The following SIRT5 variants were observed in gnomAD, a reference collection of about 807,000 sequenced individuals.
SIRT5 encodes sirtuin 5.
SIRT5 carries 26 observed loss-of-function variants against 40.0 expected under a neutral mutation model. The ratio of observed to expected loss-of-function variants is 0.65; its 90% CI spans 0.48 to 0.90. SIRT5 has a LOEUF of 0.90. Among genes scored for constraint, SIRT5 ranks in the 40% least tolerant of loss-of-function variants. The probability of loss-of-function intolerance (pLI) is 0.00; values close to 1 mark genes in which losing one functional copy is unlikely to be tolerated. For missense variants in SIRT5, 401 were observed against 402.4 expected (o/e 1.00, Z 0.03); for synonymous variants, 146 against 149.1 (o/e 0.98, Z 0.15).
chr6:13,585,679 T>A (rs368946728), intron 3 of SIRT5, among the ~76,000 whole-genome samples: 2 of 152,242 alleles, frequency 1.3e-5, no homozygotes, highest in East Asian at 1.9e-4. Flanking sequence ...TCTTTGCTAC[T>A]GTGAATAGTG....
chr6:13,576,858 T>C (rs1175210357), intron 1 of SIRT5, among the ~76,000 whole-genome samples: 1 of 152,258 alleles, frequency 6.6e-6, no homozygotes, highest in Non-Finnish European at 1.5e-5. Flanking sequence ...AATTTTGTTA[T>C]CCAGCATGTG....
intron 9 of SIRT5, among the ~76,000 whole-genome samples, chr6:13,601,661 A>T (rs1362429435): frequency 2.0e-5 from 3 of 152,096 alleles, no homozygotes; most frequent in Non-Finnish European, 4.4e-5. Flanking sequence ...ACTTTAATCA[A>T]CAGTTTCCAA....
chr6:13,575,321 G>C (rs1217929096), intron 1 of SIRT5, among the ~76,000 whole-genome samples: 1 of 152,150 alleles, frequency 6.6e-6, no homozygotes, highest in Non-Finnish European at 1.5e-5. Flanking sequence ...AACTGGGTCA[G>C]AGGCCGGGTA....
chr6:13,595,000 C>T (rs1360862965), intron 5 of SIRT5, among the ~76,000 whole-genome samples: 1 of 152,226 alleles, frequency 6.6e-6, no homozygotes, highest in African/African-American at 2.4e-5. Context: ...CAATAAATCA[C>T]GCCCTTAGAT....
intron 2 of SIRT5, among the ~76,000 whole-genome samples, chr6:13,583,767 AT>A (rs1428110429): frequency 6.6e-6 from 1 of 152,174 alleles, no homozygotes; most frequent in Non-Finnish European, 1.5e-5. Context: ...CAGAGGCTGC[AT>A]TTCTAACAAG....
chr6:13,591,893 T>C lies in SIRT5; in HGVS notation c.474T>C (p.His158=). Residue 158 remains histidine (H), a splice_region_variant and synonymous_variant, in exon 5 of 10, where the codon CAT becomes CAC. Transcript: ENST00000606117. Reference sequence around the variant, plus strand: ...GCACCAAGAACCTTCTGGAGATCCATGGTGAGAGACCCCCAGCCTCCCATT... The same window carrying C: ...GCACCAAGAACCTTCTGGAGATCCACGGTGAGAGACCCCCAGCCTCCCATT... ...KAGTKNLLEI[H]GSLFKTRCTS... 6.2e-7 allele frequency: 1 copy of C among 1,610,368 alleles called. No individual in the cohort carries two copies. The highest frequency in any genetic ancestry group is 8.5e-7 in the Non-Finnish European group (1 of 1,176,870).
At chr6:13,591,323 A>G (rs569563070) in intron 4 of SIRT5, among the ~76,000 whole-genome samples, 1 of 152,348 alleles carries the variant, frequency 6.6e-6, no homozygotes, top group Admixed American at 6.5e-5. Context: ...TTAGAGCTGC[A>G]TGAAAAAGGG....
intron 1 of SIRT5, among the ~76,000 whole-genome samples, chr6:13,579,042 C>CT (rs1173326909): frequency 6.6e-6 from 1 of 152,148 alleles, no homozygotes; most frequent in African/African-American, 2.4e-5. Context: ...CCTCTTTCCT[C>CT]TAACTGTCAC....
chr6:13,611,928 T>TG lies in SIRT5; in HGVS notation c.*65dup, dbSNP rs1763985711. 2 of 1,498,710 alleles carry TG rather than the reference T, an allele frequency of 1.3e-6. No homozygotes were observed. The highest frequency in any genetic ancestry group is 1.9e-6 in the Non-Finnish European group (2 of 1,077,488). The allele number at this position is 1,498,710 out of a possible 1,614,324, so 92.8% of individuals were successfully genotyped here. A position where few individuals can be genotyped will look rare whatever the true frequency, so the allele number is the denominator to read the frequency against. ...AACTAGGCCACACGCAGAGGAGAAA[T>TG]GGTCTTATGGGTGGTGAGCTGAGTA... is the stretch of plus-strand genomic sequence containing the variant. On this transcript the variant is annotated 3_prime_UTR_variant, in exon 10 of 10. Coordinates refer to ENST00000606117, the MANE Select transcript of SIRT5 (RefSeq NM_012241.5).
At position 13,583,274 on chromosome 6, in the gene SIRT5, T is replaced by TC. The variant is rs1759599365; in HGVS notation, c.-35-802_-35-801insC. On this transcript the variant is annotated intron_variant, in intron 2 of 9. Coordinates refer to ENST00000606117, the MANE Select transcript of SIRT5 (RefSeq NM_012241.5). ...TAGTGGTGGTTTTCATACCTTCTTT[T>TC]TTTTCTTCTTTGTTCTTTTTTTTTT... is the stretch of plus-strand genomic sequence containing the variant. 2.6e-5 allele frequency among the ~76,000 whole-genome samples: 4 copies of TC among 151,226 alleles called. No homozygotes were observed. The South Asian group carries it at 8.3e-4, about 31-fold the overall frequency.
At chr6:13,603,387 C>T (rs960863710) in intron 9 of SIRT5, among the ~76,000 whole-genome samples, 1 of 151,156 alleles carries the variant, frequency 6.6e-6, no homozygotes, top group African/African-American at 2.4e-5. Context: ...AGAACTCTTA[C>T]AACTATAAAT....
intron 9 of SIRT5, chr6:13,604,485 C>G (rs150374753): frequency 4.3e-4 from 665 of 1,562,762 alleles, no homozygotes; most frequent in Non-Finnish European, 5.8e-4. Flanking sequence ...GTCATTTGAT[C>G]TCCATCTCAT....
At chr6:13,585,397 A>G (rs1409625731) in intron 3 of SIRT5, among the ~76,000 whole-genome samples, 1 of 114,620 alleles carries the variant, frequency 8.7e-6, no homozygotes, top group Admixed American at 1.0e-4. Flanking sequence ...CCCCAAGCCC[A>G]CCACCCCCCG....
intron 9 of SIRT5, among the ~76,000 whole-genome samples, chr6:13,608,029 G>C (rs1290329919): frequency 6.6e-6 from 1 of 152,150 alleles, no homozygotes; most frequent in African/African-American, 2.4e-5. Flanking sequence ...TAAAAGTGCT[G>C]GGATTACAGG....
intron 9 of SIRT5, among the ~76,000 whole-genome samples, chr6:13,603,704 A>G (rs961064124): frequency 2.0e-5 from 3 of 152,214 alleles, no homozygotes; most frequent in Non-Finnish European, 2.9e-5. Flanking sequence ...TCCTTGGTAT[A>G]TAGTCCTAGA....
chr6:13,613,614 T>G lies in SIRT5; in HGVS notation c.*1749T>G, dbSNP rs536855247. The G allele has an allele frequency of 6.6e-6, 1 of 152,356 alleles. No homozygotes were observed. Among genetic ancestry groups the G allele is most frequent in the African/African-American group, 2.4e-5 (1 of 41,586 alleles). 9.4% of individuals were successfully genotyped at this position (152,356 alleles called of 1,614,324 possible). A position where few individuals can be genotyped will look rare whatever the true frequency, so the allele number is the denominator to read the frequency against. Reference sequence around the variant, plus strand: ...AGGCATAACCTTTAATAAATCCCAGTGGTCCTTTGTGTAGGGAACGGGGAT... The same window carrying G: ...AGGCATAACCTTTAATAAATCCCAGGGGTCCTTTGTGTAGGGAACGGGGAT... On this transcript the variant is annotated 3_prime_UTR_variant, in exon 10 of 10. Coordinates refer to ENST00000606117, the MANE Select transcript of SIRT5 (RefSeq NM_012241.5).
intron 5 of SIRT5, among the ~76,000 whole-genome samples, chr6:13,592,813 G>A (rs1761097400): frequency 6.6e-6 from 1 of 151,940 alleles, no homozygotes; most frequent in South Asian, 2.1e-4. Flanking sequence ...GCAAACTAGG[G>A]TTTCCCCCAA....
rs530703942 is a variant in SIRT5, at chr6:13,584,309, A to G, written c.115+84A>G. ...ACACTTCGAGAGGAATGTCTCTGTCAAATTAGGTATTGGGCAAGGTTTTGG... is the reference window on the plus strand; with the variant it reads ...ACACTTCGAGAGGAATGTCTCTGTCGAATTAGGTATTGGGCAAGGTTTTGG... On this transcript the variant is annotated intron_variant, in intron 3 of 9. Transcript: ENST00000606117. 2.9e-6 allele frequency: 3 copies of G among 1,020,946 alleles called. No homozygotes were observed. In the East Asian group the frequency reaches 7.2e-5, roughly 24 times the overall value. The allele number at this position is 1,020,946 out of a possible 1,614,324, so 63.2% of individuals were successfully genotyped here.
chr6:13,611,785 T>G lies in SIRT5; in HGVS notation c.858-5T>G. 6.2e-7 allele frequency: 1 copy of G among 1,609,280 alleles called. No individual in the cohort carries two copies. The highest frequency in any genetic ancestry group is 8.5e-7 in the Non-Finnish European group (1 of 1,175,672). On this transcript the variant is annotated splice_region_variant and splice_polypyrimidine_tract_variant and intron_variant, in intron 9 of 9. Transcript: ENST00000606117. ...AAACTGCTGTATTTGCTTCTTCTCTTTCAGGTTTCATTTCCAGGGACCCTG... is the reference window on the plus strand; with the variant it reads ...AAACTGCTGTATTTGCTTCTTCTCTGTCAGGTTTCATTTCCAGGGACCCTG...
Sources: allele counts gnomAD v4.1 joint callset (sites outside exome capture counted in the v4.1 genomes callset), GRCh38; gene constraint gnomAD v4.1.1; transcripts MANE v1.5; gene names NCBI Gene and HGNC (gene_info 2026-07-23, HGNC 2026-07-21).